Variants in OAS2 observed in about 807,000 individuals in gnomAD.
OAS2 encodes the protein 2'-5'-oligoadenylate synthetase 2.
Under a neutral mutation model 71.3 loss-of-function variants are expected in OAS2, and 67 were observed. The observed-to-expected ratio is 0.94, with a 90% CI of 0.77 to 1.15. The LOEUF is 1.15. Ranked by LOEUF, OAS2 falls within the 50% of genes most tolerant of loss-of-function variation. OAS2 has a pLI of 0.00. For missense variants in OAS2, 789 were observed against 822.5 expected (o/e 0.96, Z 0.50); for synonymous variants, 327 against 321.8 (o/e 1.02, Z -0.17).
intron 2 of OAS2, among the ~76,000 whole-genome samples, chr12:112,994,744 T>C (rs1197984970): frequency 6.6e-6 from 1 of 152,082 alleles, no homozygotes; most frequent in East Asian, 1.9e-4. Context: ...TTATAAACAG[T>C]GGAACTCAGC....
intron 2 of OAS2, chr12:112,988,125 A>T: frequency 2.0e-6 from 2 of 985,374 alleles, no homozygotes; most frequent in Non-Finnish European, 2.4e-6. Flanking sequence ...AACATCTCCC[A>T]CTAAGCCTAC....
At chr12:112,990,073 C>T (rs2044178170) in intron 2 of OAS2, among the ~76,000 whole-genome samples, 2 of 152,158 alleles carry the variant, frequency 1.3e-5, no homozygotes, top group Non-Finnish European at 2.9e-5. Flanking sequence ...TCTTTCCATG[C>T]ACAAATATTG....
intron 2 of OAS2, among the ~76,000 whole-genome samples, chr12:112,994,764 T>C (rs1823750509): frequency 6.6e-6 from 1 of 152,152 alleles, no homozygotes; most frequent in African/African-American, 2.4e-5. Flanking sequence ...CTAGCAAGAA[T>C]GGAAACCCAT....
At chr12:113,001,189 AT>A (rs1215061854) in intron 5 of OAS2, among the ~76,000 whole-genome samples, 1 of 151,658 alleles carries the variant, frequency 6.6e-6, no homozygotes, top group Non-Finnish European at 1.5e-5. Context: ...ACAAAAATAA[AT>A]AAATAAATTA....
intron 2 of OAS2, chr12:112,987,886 A>T (rs1205649084): frequency 1.2e-5 from 12 of 985,534 alleles, no homozygotes; most frequent in Non-Finnish European, 1.4e-5. Context: ...AGACCTGCCC[A>T]CCTCTTGTGT....
At chr12:113,006,767 G>A (rs1222207345) in intron 8 of OAS2, among the ~76,000 whole-genome samples, 167 bp downstream of exon 8, 1 of 152,146 alleles carries the variant, frequency 6.6e-6, no homozygotes, top group Non-Finnish European at 1.5e-5. Context: ...ATTCATTTGG[G>A]TCAGGCGTTG....
chr12:113,010,334 T>C lies in OAS2; in HGVS notation c.*1079T>C. ...CTCTTTTAAGCAATGATTGTAACTA[T>C]TAGGAGACATTGCTCTCCCACGTAT... On this transcript the variant is annotated 3_prime_UTR_variant, in exon 10 of 10. Coordinates refer to ENST00000392583, the MANE Select transcript of OAS2 (RefSeq NM_002535.3). The C allele has an allele frequency of 1.9e-6, 3 of 1,602,312 alleles. No individual in the cohort carries two copies. The highest frequency in any genetic ancestry group is 2.6e-6 in the Non-Finnish European group (3 of 1,176,136).
In OAS2 at chr12:113,010,535, C is replaced by A; in HGVS notation, c.*1280C>A. 1 of 1,596,042 alleles carries A rather than the reference C, an allele frequency of 6.3e-7. No individual in the cohort carries two copies. Among genetic ancestry groups the A allele is most frequent in the South Asian group, 1.1e-5 (1 of 88,984 alleles). On this transcript the variant is annotated 3_prime_UTR_variant, in exon 10 of 10. Transcript: ENST00000392583. The stretch of plus-strand genomic sequence containing the variant: ...GACTCGGCTCACCGTGAGAAAGAGT[C>A]ACTCACATCCATTCTTCCCTTGATG...
At chr12:112,988,044 C>T in intron 2 of OAS2, 4 of 985,412 alleles carry the variant, frequency 4.1e-6, no homozygotes, top group Non-Finnish European at 4.8e-6. Flanking sequence ...AGGCTTAATA[C>T]TTGGGTCTGA....
Position 113,009,345 on chromosome 12 carries a change from T to C in OAS2, c.*90T>C. The C allele has an allele frequency of 6.5e-7, 1 of 1,544,616 alleles. No individual in the cohort carries two copies. Among genetic ancestry groups the C allele is most frequent in the Non-Finnish European group, 8.7e-7 (1 of 1,149,754 alleles). On this transcript the variant is annotated 3_prime_UTR_variant, in exon 10 of 10. Transcript: ENST00000392583. ...AACCTGAAATTAACTCAGACACAAA[T>C]AAAGGAAACCCAGCTCACAGGAGCT...
intron 2 of OAS2, chr12:112,988,198 G>A (rs1168085579): frequency 1.0e-6 from 1 of 985,404 alleles, no homozygotes; most frequent in Non-Finnish European, 1.2e-6. Flanking sequence ...GCAGGTTTAG[G>A]TTGAAGGATT....
chr12:112,998,112 T>C, intron 4 of OAS2, 154 bp from the exon 5 acceptor site: 2 of 759,648 alleles, frequency 2.6e-6, no homozygotes, highest in Non-Finnish European at 4.2e-6. Flanking sequence ...CAGAGGGGCT[T>C]GATGTCGTAG....
chr12:113,003,962 T>C (rs1233797940), intron 6 of OAS2, among the ~76,000 whole-genome samples: 1 of 152,178 alleles, frequency 6.6e-6, no homozygotes, highest in Non-Finnish European at 1.5e-5. Flanking sequence ...AGTGTTAGAA[T>C]TGTCAAAGCA....
intron 6 of OAS2, among the ~76,000 whole-genome samples, chr12:113,004,613 A>C (rs1169011030): frequency 1.3e-5 from 2 of 152,254 alleles, no homozygotes; most frequent in African/African-American, 2.4e-5. Context: ...TGGTTACAGG[A>C]ATCCAAATAA....
At chr12:112,996,960 C>T (rs1390796070) in intron 3 of OAS2, among the ~76,000 whole-genome samples, 1 of 152,178 alleles carries the variant, frequency 6.6e-6, no homozygotes, top group Non-Finnish European at 1.5e-5. Context: ...GTTCAATCCT[C>T]AGTTTCCCCT....
chr12:112,996,427 T>C (rs1249035789), intron 3 of OAS2, among the ~76,000 whole-genome samples: 2 of 152,158 alleles, frequency 1.3e-5, no homozygotes, highest in South Asian at 2.1e-4. Flanking sequence ...TGTTTAACCA[T>C]AGCAAATCTT....
chr12:113,000,672 GCACACATGCACTCATGCACACA>G (rs2044277802), intron 5 of OAS2, among the ~76,000 whole-genome samples: 2 of 144,958 alleles, frequency 1.4e-5, no homozygotes, highest in African/African-American at 5.2e-5. Flanking sequence ...TCACACACAT[GCACACATGCACTCATGCACACA>G]CATGCATGCA....
At chr12:112,985,269 A>T (rs1271414132) in intron 1 of OAS2, among the ~76,000 whole-genome samples, 1 of 152,166 alleles carries the variant, frequency 6.6e-6, no homozygotes, top group African/African-American at 2.4e-5. Flanking sequence ...CTCTTCTCCT[A>T]GATCTTTCCA....
chr12:113,009,159 G>A lies in OAS2; in HGVS notation c.1968G>A (p.Leu656=), dbSNP rs986773039. Residue 656 remains leucine (L), a synonymous_variant, in exon 10 of 10, where the codon CTG becomes CTA. Coordinates refer to ENST00000392583, the MANE Select transcript of OAS2 (RefSeq NM_002535.3). Reference sequence around the variant, plus strand: ...GGGACCGTTGGTGTTGGCATCTTCTGGCAAAAGAAGCAAAGGAATGGTTAT... The same window carrying A: ...GGGACCGTTGGTGTTGGCATCTTCTAGCAAAAGAAGCAAAGGAATGGTTAT... ...GGGDRWCWHL[L]AKEAKEWLSS... is the part of the protein sequence containing the mutation. 6.2e-7 allele frequency: 1 copy of A among 1,614,036 alleles called. No individual in the cohort carries two copies. Among genetic ancestry groups the A allele is most frequent in the Non-Finnish European group, 8.5e-7 (1 of 1,180,006 alleles).
Sources: gnomAD v4.1 joint callset for allele counts (sites outside exome capture counted in the v4.1 genomes callset) on GRCh38, gnomAD v4.1.1 for gene constraint, MANE v1.5 for transcripts, NCBI Gene and HGNC (gene_info 2026-07-23, HGNC 2026-07-21) for gene names.